RIMBP2: variants seen among roughly 807,000 people sequenced by gnomAD.
RIMBP2 encodes RIMS binding protein 2, also known as RIMS-binding protein 2.
Under a neutral mutation model 118.6 loss-of-function variants are expected in RIMBP2, and 48 were observed. The observed-to-expected ratio is 0.40, with a 90% confidence interval of 0.32 to 0.51. The LOEUF is 0.51. Ranked by LOEUF, RIMBP2 falls within the 20% of genes least tolerant of loss-of-function variation. The pLI, the probability that RIMBP2 is intolerant of heterozygous loss-of-function variation, is 0.41. For missense variants in RIMBP2, 1,551 were observed against 1,768.3 expected (o/e 0.88, Z 2.20); for synonymous variants, 762 against 742.9 (o/e 1.03, Z -0.42).
intron 20 of RIMBP2, 107 bp downstream of exon 20, chr12:130,407,619 G>A: frequency 2.2e-6 from 2 of 906,922 alleles, no homozygotes; most frequent in Non-Finnish European, 3.7e-6. Flanking sequence ...GGATGGTTCG[G>A]AGAGAAGGAA....
intron 2 of RIMBP2, among the ~76,000 whole-genome samples, chr12:130,618,024 T>TTCACCAAAAAAAAAAAAAAAAA (rs71088771): frequency 1.5e-5 from 1 of 65,826 alleles, no homozygotes; most frequent in Non-Finnish European, 3.1e-5. Context: ...AGACCTCTTC[T>TTCACCAAAAAAAAAAAAAAAAA]AAAAAAAAAA....
At chr12:130,574,245 A>C (rs1319162548) in intron 2 of RIMBP2, among the ~76,000 whole-genome samples, 1 of 152,100 alleles carries the variant, frequency 6.6e-6, no homozygotes, top group East Asian at 1.9e-4. Context: ...GCATTTTGAG[A>C]AACAGCAGCA....
intron 6 of RIMBP2, among the ~76,000 whole-genome samples, chr12:130,462,594 G>A (rs1013989084): frequency 2.0e-5 from 3 of 152,194 alleles, no homozygotes; most frequent in South Asian, 4.1e-4. Flanking sequence ...CTGCTCCTGC[G>A]GTCTCAGGCA....
At chr12:130,519,290 T>C (rs1257142603) in intron 2 of RIMBP2, among the ~76,000 whole-genome samples, 1 of 152,216 alleles carries the variant, frequency 6.6e-6, no homozygotes, top group East Asian at 1.9e-4. Context: ...AGCTTCCATT[T>C]TTCAGTCAAC....
At chr12:130,619,006 G>C (rs1284524630) in intron 2 of RIMBP2, among the ~76,000 whole-genome samples, 3 of 152,080 alleles carry the variant, frequency 2.0e-5, no homozygotes, top group African/African-American at 7.3e-5. Flanking sequence ...ATTGCTGATG[G>C]ACTTTTTATG....
chr12:130,552,805 G>C (rs547467160), intron 2 of RIMBP2, among the ~76,000 whole-genome samples: 175 of 152,314 alleles, frequency 1.1e-3, no homozygotes, highest in Non-Finnish European at 1.7e-3. Flanking sequence ...CCAAGGTGCT[G>C]ATTAAGAGAT....
intron 2 of RIMBP2, among the ~76,000 whole-genome samples, chr12:130,584,223 CCATCACTT>C (rs2058685657): frequency 1.6e-4 from 7 of 43,522 alleles, no homozygotes; most frequent in South Asian, 7.8e-4. Flanking sequence ...CTCACCACCA[CCATCACTT>C]CACCACCACC....
intron 1 of RIMBP2, among the ~76,000 whole-genome samples, chr12:130,684,764 C>T (rs944218981): frequency 6.6e-6 from 1 of 152,194 alleles, no homozygotes; most frequent in Non-Finnish European, 1.5e-5. Context: ...GAGCACATCT[C>T]CCCATGATCT....
intron 1 of RIMBP2, among the ~76,000 whole-genome samples, chr12:130,673,981 C>G (rs7959822): frequency 0.98 from 149,037 of 151,640 alleles, 73,288 homozygotes; most frequent in East Asian, 1. Flanking sequence ...AGCCAGGTGG[C>G]GTAGCACGCA....
Position 130,451,348 on chromosome 12 carries a change from C to A in RIMBP2, c.359-8G>T, listed in dbSNP as rs548638965. ...CAATAGCGCTCTCCTGACCTGGCCA[C>A]GAACATTAAAACAAGTTGAAACAAA... On this transcript the variant is annotated splice_polypyrimidine_tract_variant and splice_region_variant and intron_variant, in intron 7 of 22. Coordinates refer to ENST00000690449, the MANE Select transcript of RIMBP2 (RefSeq NM_001393629.1). The A allele has an allele frequency of 3.8e-6, 6 of 1,595,942 alleles. No individual in the cohort carries two copies. Among genetic ancestry groups the A allele is most frequent in the Non-Finnish European group, 5.1e-6 (6 of 1,167,538 alleles).
At chr12:130,711,941 C>T (rs1198168319) in intron 1 of RIMBP2, among the ~76,000 whole-genome samples, 1 of 152,250 alleles carries the variant, frequency 6.6e-6, no homozygotes, top group Non-Finnish European at 1.5e-5. Context: ...CTGTGCAGCC[C>T]GTGACTGTAC....
intron 1 of RIMBP2, among the ~76,000 whole-genome samples, chr12:130,699,066 A>C (rs2065711353): frequency 6.6e-6 from 1 of 152,212 alleles, no homozygotes; most frequent in South Asian, 2.1e-4. Context: ...GTGATCATTA[A>C]AAAGTCAGGA....
At chr12:130,470,625 G>T in intron 6 of RIMBP2, 68 bp downstream of exon 6, 1 of 852,356 alleles carries the variant, frequency 1.2e-6, no homozygotes, top group Non-Finnish European at 1.6e-6. Flanking sequence ...ATTATTTCTA[G>T]CAGGCATCAG....
chr12:130,478,411 C>T (rs2081629478), intron 5 of RIMBP2, among the ~76,000 whole-genome samples: 1 of 152,220 alleles, frequency 6.6e-6, no homozygotes, highest in South Asian at 2.1e-4. Context: ...GACCATGGTG[C>T]ACACAGCCAT....
At chr12:130,455,322 C>G (rs2079335573) in intron 7 of RIMBP2, among the ~76,000 whole-genome samples, 1 of 152,222 alleles carries the variant, frequency 6.6e-6, no homozygotes, top group Non-Finnish European at 1.5e-5. Context: ...TCCACCTCAT[C>G]ACCTGGTCTT....
chr12:130,554,937 A>T lies in RIMBP2; in HGVS notation c.-216-37020T>A, dbSNP rs560634536. 2.6e-5 allele frequency among the ~76,000 whole-genome samples: 4 copies of T among 152,368 alleles called. No individual in the cohort carries two copies. In the South Asian group the frequency reaches 8.3e-4, roughly 32 times the overall value. Reference sequence around the variant, plus strand: ...GACAAGAGAAGTTGTCAGGAAAGGCAACGTTGAACAGCATTCCTAAATATT... The same window carrying T: ...GACAAGAGAAGTTGTCAGGAAAGGCTACGTTGAACAGCATTCCTAAATATT... On this transcript the variant is annotated intron_variant, in intron 2 of 22. Coordinates refer to ENST00000690449, the MANE Select transcript of RIMBP2 (RefSeq NM_001393629.1).
At chr12:130,659,289 C>T (rs982768555) in intron 1 of RIMBP2, among the ~76,000 whole-genome samples, 2 of 152,026 alleles carry the variant, frequency 1.3e-5, no homozygotes, top group East Asian at 2.0e-4. Context: ...TTATTAATGT[C>T]GGCCGGGTGC....
intron 1 of RIMBP2, among the ~76,000 whole-genome samples, chr12:130,708,436 T>C (rs1264283038): frequency 6.6e-6 from 1 of 152,106 alleles, no homozygotes; most frequent in African/African-American, 2.4e-5. Context: ...GCCTATAATC[T>C]CAGCACTTCA....
At chr12:130,557,604 G>A (rs1022767544) in intron 2 of RIMBP2, among the ~76,000 whole-genome samples, 10 of 152,182 alleles carry the variant, frequency 6.6e-5, no homozygotes, top group East Asian at 1.9e-4. Context: ...AGCTGTGCCC[G>A]AACTCTTGAC....
Sources: allele counts gnomAD v4.1 joint callset (sites outside exome capture counted in the v4.1 genomes callset), GRCh38; gene constraint gnomAD v4.1.1; transcripts MANE v1.5; gene names NCBI Gene and HGNC (gene_info 2026-07-23, HGNC 2026-07-21).